Variants in PAK4 observed in about 807,000 individuals in gnomAD.
The protein encoded by PAK4 is serine/threonine-protein kinase PAK 4.
PAK4 carries 49 observed loss-of-function variants against 53.5 expected under a neutral mutation model. The ratio of observed to expected loss-of-function variants is 0.92; its 90% CI spans 0.73 to 1.16. The LOEUF is 1.16. Ranked by LOEUF, PAK4 falls within the 50% of genes most tolerant of loss-of-function variation. The pLI, the probability that PAK4 is intolerant of heterozygous loss-of-function variation, is 0.00. For missense variants in PAK4, 824 were observed against 850.7 expected (o/e 0.97, Z 0.39); for synonymous variants, 376 against 375.6 (o/e 1.00, Z -0.01).
intron 1 of PAK4, among the ~76,000 whole-genome samples, chr19:39,127,832 G>A (rs1333568031): frequency 6.6e-6 from 1 of 152,216 alleles, no homozygotes; most frequent in Non-Finnish European, 1.5e-5. Context: ...GGCTCTGAAG[G>A]ATGGGGAGGA....
intron 1 of PAK4, among the ~76,000 whole-genome samples, chr19:39,130,866 CTGT>C (rs904148375): frequency 6.1e-5 from 9 of 146,604 alleles, no homozygotes; most frequent in African/African-American, 2.3e-4. Flanking sequence ...GCTCAGGCTG[CTGT>C]GTGGGGGACG....
intron 6 of PAK4, 113 bp from the exon 8 acceptor site, chr19:39,176,477 G>T: frequency 7.1e-7 from 1 of 1,418,254 alleles, no homozygotes; most frequent in South Asian, 1.2e-5. Context: ...CCCCAGCTCT[G>T]ACCTCTGGGC....
chr19:39,130,940 G>A (rs1450834684), intron 1 of PAK4, among the ~76,000 whole-genome samples: 1 of 151,786 alleles, frequency 6.6e-6, no homozygotes, highest in East Asian at 1.9e-4. Flanking sequence ...CCAAGCAGAA[G>A]AGGGTGGAGA....
intron 2 of PAK4, among the ~76,000 whole-genome samples, chr19:39,172,407 C>T (rs1172431877): frequency 6.6e-6 from 1 of 152,156 alleles, no homozygotes; most frequent in Non-Finnish European, 1.5e-5. Context: ...TTGCCCTCTA[C>T]TTTGGGACCA....
intron 1 of PAK4, among the ~76,000 whole-genome samples, chr19:39,137,864 T>C (rs1292974668): frequency 1.3e-5 from 2 of 152,090 alleles, no homozygotes; most frequent in Non-Finnish European, 2.9e-5. Flanking sequence ...GATGAGGCTT[T>C]GCCGTGTTAG....
Position 39,173,138 on chromosome 19 carries a change from G to A in PAK4, c.425G>A (p.Ser142Asn), listed in dbSNP as rs770197891. The change falls in exon 3 of 9, where the codon AGC (serine) becomes AAC (asparagine). Residue 142 changes from serine (S) to asparagine (N), a missense_variant. Around this residue, in one of 2 missense-constraint regions of PAK4, gnomAD observed 478 missense variants for 435.8 expected, o/e 1.10. Coordinates refer to ENST00000358301, the Ensembl canonical transcript of PAK4. The surrounding 1 kb of genome is among the most constrained non-coding windows in gnomAD (Gnocchi z 6.9). ...AGCCGAGGCCGGTTCGCCGGTCACA[G>A]CGAGGCGGGTGGCGGCAGTGGTGAC... 6.5e-7 allele frequency: 1 copy of A among 1,544,396 alleles called. No homozygotes were observed. The highest frequency in any genetic ancestry group is 1.2e-5 in the South Asian group (1 of 83,720).
chr19:39,151,433 AC>A (rs2074092370), intron 1 of PAK4, among the ~76,000 whole-genome samples: 1 of 152,270 alleles, frequency 6.6e-6, no homozygotes. Flanking sequence ...GACAGGCCTC[AC>A]GCAGGGCCAC....
chr19:39,136,842 C>T (rs1001977188), intron 1 of PAK4, among the ~76,000 whole-genome samples: 1 of 152,190 alleles, frequency 6.6e-6, no homozygotes, highest in African/African-American at 2.4e-5. Flanking sequence ...TGGGGCACAC[C>T]GGGAAGGTTT....
At chr19:39,159,805 G>A (rs866197209) in intron 1 of PAK4, among the ~76,000 whole-genome samples, 61 of 152,310 alleles carry the variant, frequency 4.0e-4, no homozygotes, top group Middle Eastern at 6.8e-3. Flanking sequence ...TGGCGGGGAC[G>A]GCGCTATACC....
At chr19:39,134,490 A>G (rs929555235) in intron 1 of PAK4, among the ~76,000 whole-genome samples, 2 of 152,126 alleles carry the variant, frequency 1.3e-5, no homozygotes, top group East Asian at 3.8e-4. Flanking sequence ...ACTTGACATA[A>G]ATGGAATCTT....
intron 4 of PAK4, 121 bp downstream of exon 5, chr19:39,174,131 C>A: frequency 1.4e-6 from 1 of 689,932 alleles, no homozygotes; most frequent in Non-Finnish European, 2.5e-6. Context: ...CTCCTCCCCT[C>A]ACTCTTCTCC....
intron 1 of PAK4, among the ~76,000 whole-genome samples, chr19:39,159,827 A>G (rs934097007): frequency 7.9e-5 from 12 of 152,228 alleles, no homozygotes; most frequent in Admixed American, 7.2e-4. Flanking sequence ...GGAGGAACGA[A>G]GGAGAGCAGG....
At chr19:39,174,007 C>T (rs769874631) in exon 4 of PAK4, 8 of 1,582,894 alleles carry the variant, frequency 5.1e-6, no homozygotes, top group East Asian at 2.3e-5. Context: ...TGCTCTTCAA[C>T]GAGGTGCGGG....
chr19:39,127,715 CA>C (rs1191621598), intron 1 of PAK4, among the ~76,000 whole-genome samples: 4 of 152,146 alleles, frequency 2.6e-5, no homozygotes, highest in Admixed American at 2.6e-4. Context: ...GCCAGTGACA[CA>C]AGACTGCGTC....
chr19:39,176,527 C>T lies in PAK4; in HGVS notation c.1360-63C>T, dbSNP rs555437850. ...GAAGCCAAGGAATGACGCAGGCAGA[C>T]GCCCCTGCTCGCCCTCCTGCTGTGC... On this transcript the variant is annotated intron_variant, in intron 6 of 8. Coordinates refer to ENST00000358301, the Ensembl canonical transcript of PAK4. The T allele has an allele frequency of 4.2e-4, 672 of 1,604,880 alleles. 6 individuals are homozygous for T. Among genetic ancestry groups the T allele is most frequent in the Middle Eastern group, 3.3e-4 (2 of 6,046 alleles).
chr19:39,177,680 C>T (rs2074634672), exon 8 of PAK4: 1 of 1,612,716 alleles, frequency 6.2e-7, no homozygotes, highest in Non-Finnish European at 8.5e-7. Flanking sequence ...CCCAGGTAGA[C>T]ATCTGGTCGC....
At position 39,175,308 on chromosome 19, in the gene PAK4, G is replaced by A. The variant is rs371445519; in HGVS notation, c.1233-4G>A. On this transcript the variant is annotated splice_polypyrimidine_tract_variant and splice_region_variant and intron_variant, in intron 5 of 8. Coordinates refer to ENST00000358301, the Ensembl canonical transcript of PAK4. The surrounding 1 kb of genome is among the most constrained non-coding windows in gnomAD (Gnocchi z 4.7). ...GGCTGCTCACCCCCCACCCCACCCC[G>A]CAGGATGAACGAGGAGCAGATCGCG... The A allele has an allele frequency of 3.5e-5, 54 of 1,552,960 alleles. No homozygotes were observed. In the African/African-American group the frequency reaches 5.6e-4, roughly 16 times the overall value.
At position 39,161,417 on chromosome 19, in the gene PAK4, G is replaced by A. The variant is rs1209483267; in HGVS notation, c.-22-8115G>A. On this transcript the variant is annotated intron_variant, in intron 1 of 8. Coordinates refer to ENST00000358301, the Ensembl canonical transcript of PAK4. The surrounding 1 kb of genome is among the most constrained non-coding windows in gnomAD (Gnocchi z 4.5). ...GCCAAGCCCCTGCCTATGAGCTCAC[G>A]CTGCAGCCCTCGGCCAGTCCTGCCA... Among the ~76,000 whole-genome samples the A allele has an allele frequency of 6.6e-6, 1 of 152,138 alleles. No homozygotes were observed. The highest frequency in any genetic ancestry group is 6.5e-5 in the Admixed American group (1 of 15,274).
At chr19:39,158,291 G>C (rs867333324) in intron 1 of PAK4, among the ~76,000 whole-genome samples, 2 of 152,208 alleles carry the variant, frequency 1.3e-5, no homozygotes, top group African/African-American at 4.8e-5. Context: ...TCGCTGCTGT[G>C]TGTTGGGTCT....
Sources: gnomAD v4.1 joint callset for allele counts (sites outside exome capture counted in the v4.1 genomes callset) on GRCh38, gnomAD v4.1.1 for gene constraint, gnomAD v4.1.1 regional missense constraint, Gnocchi (gnomAD v3.1) non-coding constraint, MANE v1.5 for transcripts, NCBI Gene and HGNC (gene_info 2026-07-23, HGNC 2026-07-21) for gene names.